Variants in ZC3H12B observed in about 807,000 individuals in gnomAD.
ZC3H12B encodes zinc finger CCCH-type containing 12B.
In ZC3H12B, 7 loss-of-function variants were observed where a neutral mutation model predicts 43.9. That is an observed-to-expected ratio of 0.16 (90% CI 0.09 to 0.30). ZC3H12B has a LOEUF of 0.30. ZC3H12B is among the 10% of genes least tolerant of loss of function. The pLI is 1.00. For synonymous variants in ZC3H12B, 222 were observed against 241.7 expected, an observed-to-expected ratio of 0.92 and a Z score of 0.76; for missense variants, 475 against 670.2, an observed-to-expected ratio of 0.71 and a Z score of 3.22.
At chrX:65,382,604 G>T (rs1001663973) in intron 2 of ZC3H12B, among the ~76,000 whole-genome samples, 1 of 111,306 alleles carries the variant, frequency 9.0e-6, no homozygotes, top group Non-Finnish European at 1.9e-5. Context: ...TCTGGCTAGG[G>T]CAATCAGGCA....
At chrX:65,318,413 C>T in the ZC3H12B span, among the ~76,000 whole-genome samples, 14 of 102,577 alleles carry the variant, frequency 1.4e-4, no homozygotes, top group African/African-American at 5.0e-4. Context: ...CTTCTTTCTT[C>T]TTTCTCCTTT....
intron 3 of ZC3H12B, among the ~76,000 whole-genome samples, chrX:65,427,119 A>AC (rs1425350680): frequency 9.0e-6 from 1 of 111,544 alleles, no homozygotes; most frequent in Admixed American, 9.5e-5. Flanking sequence ...GTCTCTAAGA[A>AC]CTTGTTTTAT....
the ZC3H12B span, among the ~76,000 whole-genome samples, chrX:65,106,175 A>G: frequency 9.0e-6 from 1 of 111,501 alleles, no homozygotes; most frequent in Admixed American, 9.6e-5. Context: ...AAAGAAATGA[A>G]CTGTAAGGTA....
chrX:65,316,753 A>G, the ZC3H12B span, among the ~76,000 whole-genome samples: 3 of 112,048 alleles, frequency 2.7e-5, no homozygotes, highest in East Asian at 5.6e-4. Context: ...CTGCATGACA[A>G]TCAGGTAACA....
the ZC3H12B span, among the ~76,000 whole-genome samples, chrX:65,143,786 C>T: frequency 9.2e-6 from 1 of 109,091 alleles, no homozygotes; most frequent in African/African-American, 3.3e-5. Context: ...CCATGCTGGT[C>T]TGGAACTCCT....
chrX:65,313,017 G>A, the ZC3H12B span, among the ~76,000 whole-genome samples: 93 of 111,479 alleles, frequency 8.3e-4, no homozygotes, highest in African/African-American at 2.9e-3. Context: ...GAGTAGCTGG[G>A]ACTGCAGGCA....
chrX:65,310,860 G>T, the ZC3H12B span, among the ~76,000 whole-genome samples: 1 of 111,743 alleles, frequency 8.9e-6, no homozygotes, highest in Admixed American at 9.5e-5. Context: ...ACAACCATCT[G>T]ATCTTTGACA....
At chrX:65,044,926 T>C in the ZC3H12B span, among the ~76,000 whole-genome samples, 1 of 109,132 alleles carries the variant, frequency 9.2e-6, no homozygotes, top group African/African-American at 3.4e-5. Flanking sequence ...GCTCAGGAGT[T>C]TGATACCAGG....
chrX:65,245,068 G>A, the ZC3H12B span, among the ~76,000 whole-genome samples: 5 of 111,094 alleles, frequency 4.5e-5, no homozygotes, highest in Non-Finnish European at 9.4e-5. Flanking sequence ...TGTTAATACT[G>A]ACCCTCCCTC....
chrX:65,091,139 T>C, the ZC3H12B span, among the ~76,000 whole-genome samples: 1 of 111,603 alleles, frequency 9.0e-6, no homozygotes, highest in African/African-American at 3.3e-5. Flanking sequence ...AATGGACTAA[T>C]ACAGCTCTAT....
the ZC3H12B span, among the ~76,000 whole-genome samples, chrX:65,091,591 G>A: frequency 3.6e-5 from 4 of 111,830 alleles, no homozygotes; most frequent in East Asian, 1.1e-3. Context: ...CTATGGACAA[G>A]GTGTGATGTA....
At chrX:65,457,369 C>A (rs1237426931) in intron 3 of ZC3H12B, among the ~76,000 whole-genome samples, 1 of 48,368 alleles carries the variant, frequency 2.1e-5, no homozygotes, top group Non-Finnish European at 3.2e-5. Flanking sequence ...TGAGGGGCGC[C>A]TCTGCCCGGC....
chrX:65,389,278 C>T (rs2066576931), intron 2 of ZC3H12B, among the ~76,000 whole-genome samples: 1 of 112,206 alleles, frequency 8.9e-6, no homozygotes, highest in Non-Finnish European at 1.9e-5. Flanking sequence ...CTGTGGTGGG[C>T]TCCACCCAGT....
At chrX:65,312,626 G>C in the ZC3H12B span, among the ~76,000 whole-genome samples, 1 of 111,550 alleles carries the variant, frequency 9.0e-6, no homozygotes, top group African/African-American at 3.3e-5. Context: ...TAGTTTATAA[G>C]GAACAAAAAT....
intron 4 of ZC3H12B, 25 bp from the exon 10 acceptor site, chrX:65,501,764 C>T: frequency 9.0e-7 from 1 of 1,116,923 alleles, no homozygotes; most frequent in Non-Finnish European, 1.2e-6. Flanking sequence ...GAGAGAGAGT[C>T]TTACCCCAAG....
intron 3 of ZC3H12B, chrX:65,470,149 A>C (rs944101924): frequency 2.6e-5 from 3 of 116,769 alleles, no homozygotes; most frequent in African/African-American, 9.8e-5. Context: ...TGAAGTATTA[A>C]GTCCTTCCGA....
intron 2 of ZC3H12B, among the ~76,000 whole-genome samples, chrX:65,382,798 G>A (rs187961489): frequency 7.2e-5 from 8 of 111,126 alleles, no homozygotes; most frequent in Non-Finnish European, 1.3e-4. Context: ...AAGCATTCTT[G>A]TACACCAACA....
the ZC3H12B span, among the ~76,000 whole-genome samples, chrX:65,310,408 T>C: frequency 9.0e-6 from 1 of 110,857 alleles, no homozygotes; most frequent in Non-Finnish European, 1.9e-5. Context: ...ACAATCGCCA[T>C]AAAGAGAATA....
chrX:65,052,060 G>A, the ZC3H12B span, among the ~76,000 whole-genome samples: 3 of 111,236 alleles, frequency 2.7e-5, no homozygotes, highest in South Asian at 7.6e-4. Flanking sequence ...ACATGACTCG[G>A]CAGCTGTAAG....
Sources: allele counts gnomAD v4.1 joint callset (sites outside exome capture counted in the v4.1 genomes callset), GRCh38; gene constraint gnomAD v4.1.1; transcripts MANE v1.5; gene names NCBI Gene and HGNC (gene_info 2026-07-23, HGNC 2026-07-21).